The following CLIC5 variants were observed in gnomAD, a reference collection of about 807,000 sequenced individuals.
The protein encoded by CLIC5 is CLIC family member 5.
CLIC5 carries 20 observed loss-of-function variants against 24.7 expected under a neutral mutation model. The observed-to-expected ratio is 0.81, with a 90% CI of 0.57 to 1.18. The LOEUF (loss-of-function observed/expected upper bound fraction) is 1.18, where lower values mean the gene tolerates loss of function less well. CLIC5 is among the 50% of genes most tolerant of loss of function. CLIC5 has a pLI of 0.00. For missense variants in CLIC5, 341 were observed against 326.1 expected, an observed-to-expected ratio of 1.05 and a Z score of -0.35; for synonymous variants, 159 against 135.6, an observed-to-expected ratio of 1.17 and a Z score of -1.20.
chr6:46,065,807 G>A (rs1372497925), intron 1 of CLIC5, among the ~76,000 whole-genome samples: 1 of 152,134 alleles, frequency 6.6e-6, no homozygotes, highest in Non-Finnish European at 1.5e-5. Context: ...TTGAGGTGAT[G>A]GGAATGTGCC....
At chr6:45,990,349 G>A (rs1466947372) in intron 1 of CLIC5, among the ~76,000 whole-genome samples, 1 of 152,116 alleles carries the variant, frequency 6.6e-6, no homozygotes, top group Non-Finnish European at 1.5e-5. Flanking sequence ...TGAGTTAGGG[G>A]CAGCTAAAAA....
intron 1 of CLIC5, among the ~76,000 whole-genome samples, chr6:46,044,714 G>A (rs542580796): frequency 6.6e-6 from 1 of 152,098 alleles, no homozygotes; most frequent in African/African-American, 2.4e-5. Flanking sequence ...ATGATTTGGG[G>A]GCCATAGAGT....
At chr6:46,106,573 TA>T in the CLIC5 span, among the ~76,000 whole-genome samples, 3 of 152,206 alleles carry the variant, frequency 2.0e-5, no homozygotes, top group Non-Finnish European at 2.9e-5. Flanking sequence ...AGACAAAATT[TA>T]AAAGCCACCT....
intron 1 of CLIC5, among the ~76,000 whole-genome samples, chr6:45,975,425 A>T (rs1029260275): frequency 2.0e-5 from 3 of 152,220 alleles, no homozygotes; most frequent in Non-Finnish European, 2.9e-5. Context: ...CAACTGAAAC[A>T]AAAGTATTTC....
At chr6:46,120,730 T>A in the CLIC5 span, among the ~76,000 whole-genome samples, 1 of 151,966 alleles carries the variant, frequency 6.6e-6, no homozygotes, top group South Asian at 2.1e-4. Context: ...TGCAGAGAAG[T>A]CCTTAAAGGA....
At chr6:45,990,167 G>A (rs3777606) in intron 1 of CLIC5, among the ~76,000 whole-genome samples, 40,115 of 152,146 alleles carry the variant, frequency 0.26, 6,578 homozygotes, top group Middle Eastern at 0.4. Context: ...GCTACTGTGT[G>A]TTTTACAAAT....
In CLIC5 at chr6:45,971,048, G is replaced by A. The variant is rs143599504; in HGVS notation, c.64-15804C>T. On this transcript the variant is annotated intron_variant, in intron 1 of 5. Transcript: ENST00000339561. ...ATTGGTGGACTCCAAAATAAATGAG[G>A]TACAGAAATTGTTCTTTTTCCTCTA... is the stretch of plus-strand genomic sequence containing the variant. Among the ~76,000 whole-genome samples the A allele has an allele frequency of 1.4e-3, 213 of 152,270 alleles. 1 individual carries two copies. Among genetic ancestry groups the A allele is most frequent in the African/African-American group, 4.8e-3 (198 of 41,538 alleles).
chr6:46,098,077 A>G, the CLIC5 span, among the ~76,000 whole-genome samples: 1 of 152,260 alleles, frequency 6.6e-6, no homozygotes, highest in Non-Finnish European at 1.5e-5. Context: ...ATGGTACATT[A>G]AAAATTCTCT....
chr6:46,110,294 CTCCCCTGGTG>C, the CLIC5 span, among the ~76,000 whole-genome samples: 5 of 152,188 alleles, frequency 3.3e-5, no homozygotes, highest in Admixed American at 3.3e-4. Flanking sequence ...ATTGTGATGG[CTCCCCTGGTG>C]TCCCACCTTT....
chr6:45,941,719 C>A, intron 3 of CLIC5, 66 bp from the exon 4 acceptor site: 1 of 1,195,582 alleles, frequency 8.4e-7, no homozygotes, highest in Non-Finnish European at 1.3e-6. Context: ...GTGAGCCTAT[C>A]CCTATCATGA....
At chr6:46,037,853 A>G (rs1767703965) in intron 1 of CLIC5, among the ~76,000 whole-genome samples, 1 of 152,208 alleles carries the variant, frequency 6.6e-6, no homozygotes, top group South Asian at 2.1e-4. Context: ...ACAGAATCAC[A>G]GGAAGGATTG....
intron 4 of CLIC5, among the ~76,000 whole-genome samples, chr6:45,940,541 A>G (rs988974922): frequency 6.6e-6 from 1 of 152,196 alleles, no homozygotes; most frequent in Non-Finnish European, 1.5e-5. Context: ...AAGAGATGCT[A>G]TTCTCCTTGG....
At chr6:45,907,487 CT>C (rs1405003428) in intron 5 of CLIC5, among the ~76,000 whole-genome samples, 2 of 151,942 alleles carry the variant, frequency 1.3e-5, no homozygotes, top group Admixed American at 6.6e-5. Context: ...TTGAAGTTTT[CT>C]TTTTTCATTG....
At chr6:46,059,716 T>C (rs902381922) in intron 1 of CLIC5, among the ~76,000 whole-genome samples, 1 of 152,200 alleles carries the variant, frequency 6.6e-6, no homozygotes, top group Admixed American at 6.5e-5. Flanking sequence ...TTTGCCCGGA[T>C]TGCAAGTAGC....
intron 1 of CLIC5, among the ~76,000 whole-genome samples, chr6:46,044,604 G>T (rs545315626): frequency 1.2e-4 from 18 of 152,276 alleles, no homozygotes; most frequent in African/African-American, 3.8e-4. Flanking sequence ...GAGCAGACCC[G>T]CTTGACAGTG....
chr6:45,890,994 G>C (rs1043820679), intron 6 of CLIC5, among the ~76,000 whole-genome samples: 4 of 152,112 alleles, frequency 2.6e-5, no homozygotes, highest in African/African-American at 7.2e-5. Context: ...AGGAATAAGT[G>C]TTGGCAATCT....
At chr6:45,883,005 G>A (rs764433691) in intron 6 of CLIC5, among the ~76,000 whole-genome samples, 9 of 152,230 alleles carry the variant, frequency 5.9e-5, no homozygotes, top group Non-Finnish European at 1.2e-4. Context: ...TGGCCAGAAA[G>A]TGGTGGAGCA....
intron 1 of CLIC5, among the ~76,000 whole-genome samples, chr6:46,032,250 G>C (rs1323335093): frequency 1.3e-5 from 2 of 152,228 alleles, no homozygotes; most frequent in Admixed American, 6.5e-5. Context: ...TAAACAACCA[G>C]ATCTGATGAG....
the CLIC5 span, among the ~76,000 whole-genome samples, chr6:46,101,960 G>GA: frequency 0.15 from 19,088 of 127,178 alleles, 1,671 homozygotes; most frequent in South Asian, 0.36. Context: ...AGAATATTGA[G>GA]AAAAAAAAAA....
Sources: allele counts gnomAD v4.1 joint callset (sites outside exome capture counted in the v4.1 genomes callset), GRCh38; gene constraint gnomAD v4.1.1; transcripts MANE v1.5; gene names NCBI Gene and HGNC (gene_info 2026-07-23, HGNC 2026-07-21).